Variants in CNTN5 observed in about 807,000 individuals in gnomAD.
CNTN5 encodes contactin 5.
CNTN5 carries 77 observed loss-of-function variants against 129.1 expected under a neutral mutation model. The ratio of observed to expected loss-of-function variants is 0.60; its 90% confidence interval spans 0.50 to 0.72. CNTN5 has a LOEUF of 0.72. CNTN5 is among the 30% of genes least tolerant of loss of function. The pLI is 0.00. For missense variants in CNTN5, 1,478 were observed against 1,328.8 expected (o/e 1.11, Z -1.75); for synonymous variants, 509 against 465.6 (o/e 1.09, Z -1.20).
chr11:99,143,821 A>G (rs12289630), intron 1 of CNTN5, among the ~76,000 whole-genome samples: 32,681 of 152,078 alleles, frequency 0.21, 4,168 homozygotes, highest in African/African-American at 0.37. Context: ...TTGTATTGAT[A>G]GTTTACAGGA....
intron 3 of CNTN5, among the ~76,000 whole-genome samples, chr11:99,657,010 A>G (rs1952395278): frequency 6.6e-6 from 1 of 152,018 alleles, no homozygotes; most frequent in African/African-American, 2.4e-5. Flanking sequence ...GCCTGGAAAA[A>G]ATGTCAAAGT....
At position 100,334,291 on chromosome 11, in the gene CNTN5, C is replaced by T. The variant is rs146215740; in HGVS notation, c.2731-6172C>T. Among the ~76,000 whole-genome samples the T allele has an allele frequency of 8.7e-3, 1,325 of 152,030 alleles. 13 individuals carry two copies. The highest frequency in any genetic ancestry group is 0.03 in the African/African-American group (1,252 of 41,464). ...AAAATCAAAAAATAATAGATGTTGG[C>T]GTGGATGTGGTGAAAAAGTTACACT... On this transcript the variant is annotated intron_variant, in intron 21 of 24. Coordinates refer to ENST00000524871, the MANE Select transcript of CNTN5 (RefSeq NM_014361.4).
Position 99,661,241 on chromosome 11 carries a change from A to G in CNTN5, c.55+104972A>G, listed in dbSNP as rs939328624. 1.2e-4 allele frequency among the ~76,000 whole-genome samples: 19 copies of G among 152,194 alleles called. 1 individual carries two copies. In the Middle Eastern group the frequency reaches 0.013, roughly 101 times the overall value. On this transcript the variant is annotated intron_variant, in intron 3 of 24. Transcript: ENST00000524871. Reference sequence around the variant, plus strand: ...ACAACATTTATATGTGCTCATCTACAGCACAGAAAATTCTCCTAGACTGAA... The same window carrying G: ...ACAACATTTATATGTGCTCATCTACGGCACAGAAAATTCTCCTAGACTGAA...
At chr11:99,563,963 C>T (rs1948924826) in intron 3 of CNTN5, among the ~76,000 whole-genome samples, 1 of 152,164 alleles carries the variant, frequency 6.6e-6, no homozygotes, top group Admixed American at 6.5e-5. Flanking sequence ...TGCAAAAGCA[C>T]ATTATACAGA....
chr11:99,550,127 G>T (rs1308993617), intron 2 of CNTN5, among the ~76,000 whole-genome samples: 1 of 152,108 alleles, frequency 6.6e-6, no homozygotes, highest in Non-Finnish European at 1.5e-5. Flanking sequence ...TAAAAAGAAT[G>T]CCTCCAAAAC....
At chr11:99,188,438 G>A (rs1858464232) in intron 1 of CNTN5, among the ~76,000 whole-genome samples, 1 of 151,736 alleles carries the variant, frequency 6.6e-6, no homozygotes, top group African/African-American at 2.4e-5. Flanking sequence ...CATGTTGTCA[G>A]AACTTTTATG....
chr11:100,180,702 G>C (rs543177723), intron 13 of CNTN5, among the ~76,000 whole-genome samples: 1 of 151,972 alleles, frequency 6.6e-6, no homozygotes, highest in South Asian at 2.1e-4. Context: ...GCTACGGACT[G>C]GCAGAAAATG....
intron 15 of CNTN5, among the ~76,000 whole-genome samples, chr11:100,221,772 A>G (rs917646178): frequency 6.6e-6 from 1 of 152,210 alleles, no homozygotes; most frequent in East Asian, 1.9e-4. Flanking sequence ...AGCAACAAGT[A>G]GCAGGATTTG....
intron 10 of CNTN5, among the ~76,000 whole-genome samples, chr11:100,066,728 G>A (rs1359823762): frequency 6.6e-6 from 1 of 150,480 alleles, no homozygotes; most frequent in African/African-American, 2.4e-5. Context: ...TTCCCAGACA[G>A]ATGAAAGACT....
intron 2 of CNTN5, among the ~76,000 whole-genome samples, chr11:99,368,858 G>A (rs540306954): frequency 4.6e-5 from 7 of 152,056 alleles, no homozygotes; most frequent in African/African-American, 1.2e-4. Flanking sequence ...AACTCACATC[G>A]CTGTAACAAA....
At chr11:99,932,231 A>T (rs1950208982) in intron 7 of CNTN5, among the ~76,000 whole-genome samples, 1 of 152,022 alleles carries the variant, frequency 6.6e-6, no homozygotes, top group Admixed American at 6.5e-5. Flanking sequence ...CGCTGTTGTC[A>T]GCCCGGGCTG....
chr11:99,988,149 A>G (rs1938812505), intron 8 of CNTN5, among the ~76,000 whole-genome samples: 1 of 152,258 alleles, frequency 6.6e-6, no homozygotes. Flanking sequence ...AATTGTCTAC[A>G]GAGCAAATCA....
intron 3 of CNTN5, among the ~76,000 whole-genome samples, chr11:99,782,394 C>T (rs1361729952): frequency 6.7e-6 from 1 of 149,358 alleles, no homozygotes. Flanking sequence ...TGAAAATGGC[C>T]ATACTGCCCA....
chr11:99,071,453 T>C (rs780178317), intron 1 of CNTN5, among the ~76,000 whole-genome samples: 37 of 152,162 alleles, frequency 2.4e-4, no homozygotes, highest in Admixed American at 1.3e-3. Flanking sequence ...ACAAAAAAAT[T>C]GCACAAGTTA....
chr11:99,331,062 A>G lies in CNTN5; in HGVS notation c.-71+5578A>G, dbSNP rs189022628. On this transcript the variant is annotated intron_variant, in intron 2 of 24. Transcript: ENST00000524871. ...GAGATATATTGTGTTTGTAGACAGG[A>G]AGACTCGATTTTCAAGAGTGTTAAG... is the stretch of plus-strand genomic sequence containing the variant. Among the ~76,000 whole-genome samples, 19 of 152,140 alleles carry G rather than the reference A, an allele frequency of 1.2e-4. No individual in the cohort carries two copies. In the East Asian group the frequency reaches 3.7e-3, roughly 29 times the overall value.
At chr11:100,026,691 T>C (rs1218659841) in intron 9 of CNTN5, among the ~76,000 whole-genome samples, 2 of 152,184 alleles carry the variant, frequency 1.3e-5, no homozygotes, top group East Asian at 3.9e-4. Context: ...TTTACTGAGG[T>C]CTCTTTAAGG....
At chr11:99,334,867 A>G (rs533484180) in intron 2 of CNTN5, among the ~76,000 whole-genome samples, 1 of 152,224 alleles carries the variant, frequency 6.6e-6, no homozygotes, top group Non-Finnish European at 1.5e-5. Context: ...TCTTTTTAAT[A>G]AAACATGAAA....
At chr11:99,676,415 T>C (rs1277224690) in intron 3 of CNTN5, among the ~76,000 whole-genome samples, 1 of 152,132 alleles carries the variant, frequency 6.6e-6, no homozygotes, top group Non-Finnish European at 1.5e-5. Context: ...CAGAAATAAA[T>C]AGACTACATG....
At position 99,529,987 on chromosome 11, in the gene CNTN5, G is replaced by T. The variant is rs193301221; in HGVS notation, c.-70-26158G>T. 3.0e-3 allele frequency among the ~76,000 whole-genome samples: 463 copies of T among 152,222 alleles called. 5 individuals carry two copies. Among genetic ancestry groups the T allele is most frequent in the South Asian group, 0.028 (134 of 4,824 alleles). Reference sequence around the variant, plus strand: ...AAAATACTTAAAAATATTTTAAAGTGATTAGAGGGACATAAAACATTTAAG... The same window carrying T: ...AAAATACTTAAAAATATTTTAAAGTTATTAGAGGGACATAAAACATTTAAG... On this transcript the variant is annotated intron_variant, in intron 2 of 24. Transcript: ENST00000524871.
Sources: allele counts gnomAD v4.1 joint callset (sites outside exome capture counted in the v4.1 genomes callset), GRCh38; gene constraint gnomAD v4.1.1; transcripts MANE v1.5; gene names NCBI Gene and HGNC (gene_info 2026-07-23, HGNC 2026-07-21).